The following ARHGAP29 variants were observed in gnomAD, a reference collection of about 807,000 sequenced individuals.
The protein encoded by ARHGAP29 is Rho GTPase activating protein 29, also known as rho GTPase-activating protein 29.
A neutral mutation model predicts 122.6 loss-of-function variants in ARHGAP29; 43 were observed. The observed-to-expected ratio is 0.35, with a 90% CI of 0.27 to 0.45. The LOEUF (loss-of-function observed/expected upper bound fraction) is 0.45, where lower values mean the gene tolerates loss of function less well. ARHGAP29 is among the 20% of genes least tolerant of loss of function. ARHGAP29 has a pLI of 1.00. For missense variants in ARHGAP29, 1,303 were observed against 1,477.2 expected, an observed-to-expected ratio of 0.88 and a Z score of 1.93; for synonymous variants, 506 against 497.1, an observed-to-expected ratio of 1.02 and a Z score of -0.24.
intron 1 of ARHGAP29, among the ~76,000 whole-genome samples, chr1:94,268,068 A>G (rs943297182): frequency 6.6e-6 from 1 of 152,188 alleles, no homozygotes; most frequent in Non-Finnish European, 1.5e-5. Context: ...AAACAAAAAA[A>G]CTAGTAAATT....
chr1:94,201,690 T>G (rs1225536351), intron 12 of ARHGAP29, 30 bp downstream of exon 12: 4 of 1,612,282 alleles, frequency 2.5e-6, no homozygotes, highest in Non-Finnish European at 3.4e-6. Flanking sequence ...CTTTTCTTCT[T>G]GCCTTCAAAA....
chr1:94,184,952 C>T lies in ARHGAP29; in HGVS notation c.2029G>A (p.Ala677Thr). ...GGGATACCATCTGGTTCCTTTTTTG[C>T]AACTTGTGTGAATTCTGCTCCAAAT... ...HLFGAEFTQV[A>T]KKEPDGIPFI... The change falls in exon 18 of 23, where the codon GCA becomes ACA. Residue 677 changes from alanine (A) to threonine (T), a missense_variant. This residue lies in a region of ARHGAP29 where 91 missense variants were observed against 177.8 expected (regional missense o/e 0.51). Coordinates refer to ENST00000260526, the MANE Select transcript of ARHGAP29 (RefSeq NM_004815.4). 3 of 1,612,420 alleles carry T rather than the reference C, an allele frequency of 1.9e-6. No homozygotes were observed. Among genetic ancestry groups the T allele is most frequent in the Non-Finnish European group, 2.5e-6 (3 of 1,179,362 alleles).
intron 1 of ARHGAP29, among the ~76,000 whole-genome samples, chr1:94,267,977 T>C (rs1022981574): frequency 1.3e-5 from 2 of 152,222 alleles, no homozygotes; most frequent in Non-Finnish European, 2.9e-5. Context: ...TTGGTGGTGC[T>C]AATATTTGTT....
rs1458039614 is a variant in ARHGAP29 at position 94,169,264 on chromosome 1, G to A, written c.*4605C>T. 6.6e-6 allele frequency among the ~76,000 whole-genome samples: 1 copy of A among 152,166 alleles called. No individual in the cohort carries two copies. The highest frequency in any genetic ancestry group is 1.5e-5 in the Non-Finnish European group (1 of 68,022). On this transcript the variant is annotated 3_prime_UTR_variant, in exon 23 of 23. Coordinates refer to ENST00000260526, the MANE Select transcript of ARHGAP29 (RefSeq NM_004815.4). ...GCCTAGGATTCCAATGGTGTGCTCA[G>A]GACTGACATCACTGGGGTCAAAGAT...
chr1:94,191,087 G>C (rs908285026), intron 12 of ARHGAP29: 1 of 152,108 alleles, frequency 6.6e-6, no homozygotes, highest in Non-Finnish European at 1.5e-5. Context: ...GAGATGAAAG[G>C]TCAATATGGT....
At chr1:94,278,104 C>T (rs1655247229), upstream of ARHGAP29, among the ~76,000 whole-genome samples, 1 of 152,080 alleles carries the variant, frequency 6.6e-6, no homozygotes, top group South Asian at 2.1e-4. Flanking sequence ...GTGCTTGAGG[C>T]CAGGAGTTTG....
At chr1:94,302,510 T>G in the ARHGAP29 span, 2 of 342,862 alleles carry the variant, frequency 5.8e-6, no homozygotes, top group African/African-American at 4.4e-5. Context: ...AGGTCATCCA[T>G]AATAACTCTG....
chr1:94,218,562 A>G (rs533386680), intron 3 of ARHGAP29, among the ~76,000 whole-genome samples: 1 of 152,300 alleles, frequency 6.6e-6, no homozygotes, highest in East Asian at 1.9e-4. Flanking sequence ...CGCTATTTCC[A>G]AGCATGGAAA....
chr1:94,272,251 C>T (rs1486385650), intron 1 of ARHGAP29, among the ~76,000 whole-genome samples: 1 of 152,182 alleles, frequency 6.6e-6, no homozygotes, highest in Admixed American at 6.5e-5. Flanking sequence ...CACTTTGGCT[C>T]TAAGACTAAC....
chr1:94,192,743 G>C (rs530051729), intron 12 of ARHGAP29: 1 of 152,088 alleles, frequency 6.6e-6, no homozygotes, highest in African/African-American at 2.4e-5. Flanking sequence ...TAAGCCCCCA[G>C]CCAGAAGATT....
At chr1:94,261,158 A>T (rs1654544307) in intron 1 of ARHGAP29, among the ~76,000 whole-genome samples, 1 of 152,110 alleles carries the variant, frequency 6.6e-6, no homozygotes, top group Non-Finnish European at 1.5e-5. Context: ...AGACATCAAC[A>T]CTTGGAAAGT....
At chr1:94,270,523 A>G (rs1654948269) in intron 1 of ARHGAP29, among the ~76,000 whole-genome samples, 1 of 152,194 alleles carries the variant, frequency 6.6e-6, no homozygotes, top group Non-Finnish European at 1.5e-5. Context: ...TTAAAAGATG[A>G]AACTGGTACA....
intron 1 of ARHGAP29, among the ~76,000 whole-genome samples, chr1:94,250,736 A>G (rs1013794360): frequency 2.6e-5 from 4 of 152,260 alleles, no homozygotes; most frequent in African/African-American, 9.6e-5. Flanking sequence ...GATTGACAAA[A>G]ATAAAGAAAT....
At chr1:94,262,214 T>C (rs1357380846) in intron 1 of ARHGAP29, among the ~76,000 whole-genome samples, 2 of 152,120 alleles carry the variant, frequency 1.3e-5, no homozygotes, top group African/African-American at 4.8e-5. Context: ...ATGCAGAAGA[T>C]TGAAACTGGA....
In ARHGAP29 at chr1:94,173,969, T is replaced by G. The variant is rs1648916219; in HGVS notation, c.3686A>C (p.Glu1229Ala). Residue 1229 changes from glutamate to alanine, a missense_variant, in exon 23 of 23, where the codon GAG (glutamate) becomes GCG (alanine). Coordinates refer to ENST00000260526, the MANE Select transcript of ARHGAP29 (RefSeq NM_004815.4). ...ATGQPKEDSE[E>A]LGLPDVNPMC... ...TGGATTCACATCAGGCAAGCCAAGC[T>G]CCTCAGAGTCTTCTTTAGGTTGACC... The G allele has an allele frequency of 1.2e-6, 2 of 1,614,102 alleles. No individual in the cohort carries two copies. The highest frequency in any genetic ancestry group is 1.1e-5 in the South Asian group (1 of 91,086).
Position 94,174,289 on chromosome 1 carries a change from A to T in ARHGAP29, c.3366T>A (p.Thr1122=), listed in dbSNP as rs143262937. ...QISGDHSINA[T]QPSKPYAEPV... ...GCTCTGCATATGGCTTACTGGGTTG[A>T]GTGGCATTGATAGAATGGTCCCCAC... The change falls in exon 23 of 23, where the codon ACT becomes ACA. Residue 1122 remains threonine, a synonymous_variant. Transcript: ENST00000260526. 368 of 1,614,126 alleles carry T rather than the reference A, an allele frequency of 2.3e-4. 2 individuals carry two copies. The Middle Eastern group carries it at 3.6e-3, about 16-fold the overall frequency.
At chr1:94,278,655 AG>A (rs1390263268), upstream of ARHGAP29, among the ~76,000 whole-genome samples, 17 of 152,338 alleles carry the variant, frequency 1.1e-4, no homozygotes, top group East Asian at 2.3e-3. Context: ...CTCATTAAAA[AG>A]TTAACCTAAT....
chr1:94,304,304 T>C, the ARHGAP29 span, among the ~76,000 whole-genome samples: 1 of 152,238 alleles, frequency 6.6e-6, no homozygotes, highest in Non-Finnish European at 1.5e-5. Context: ...CACGTCCTGC[T>C]AATTTTTTAT....
chr1:94,199,091 G>C (rs1038416211), intron 12 of ARHGAP29, among the ~76,000 whole-genome samples: 5 of 152,132 alleles, frequency 3.3e-5, no homozygotes, highest in South Asian at 2.1e-4. Flanking sequence ...GGGCCTGTCG[G>C]GGGGCTGGGC....
Sources: gnomAD v4.1 joint callset for allele counts (sites outside exome capture counted in the v4.1 genomes callset) on GRCh38, gnomAD v4.1.1 for gene constraint, gnomAD v4.1.1 regional missense constraint, MANE v1.5 for transcripts, NCBI Gene and HGNC (gene_info 2026-07-23, HGNC 2026-07-21) for gene names.